PTPRN2: variants seen among roughly 807,000 people sequenced by gnomAD.
PTPRN2 encodes the protein receptor-type tyrosine-protein phosphatase N2.
A neutral mutation model predicts 118.8 loss-of-function variants in PTPRN2; 74 were observed. The ratio of observed to expected loss-of-function variants is 0.62; its 90% CI spans 0.52 to 0.76. The LOEUF is 0.76. Ranked by LOEUF, PTPRN2 falls within the 30% of genes least tolerant of loss-of-function variation. The pLI is 0.00. For missense variants in PTPRN2, 1,481 were observed against 1,394.4 expected (o/e 1.06, Z -0.99); for synonymous variants, 641 against 608.0 (o/e 1.05, Z -0.80).
Position 157,569,070 on chromosome 7 carries a change from C to T in PTPRN2, c.2838-104G>A, listed in dbSNP as rs762163628. On this transcript the variant is annotated intron_variant, in intron 20 of 22. Transcript: ENST00000389418. Reference sequence around the variant, plus strand: ...TTTCCTTCCTGCTTACGGGGGCCGGCGAGAGGAAAGGATGGCGGATGTGAG... The same window carrying T: ...TTTCCTTCCTGCTTACGGGGGCCGGTGAGAGGAAAGGATGGCGGATGTGAG... 19 of 1,125,638 alleles carry T rather than the reference C, an allele frequency of 1.7e-5. 1 individual carries two copies. The highest frequency in any genetic ancestry group is 2.4e-5 in the Non-Finnish European group (18 of 755,136). The allele number at this position is 1,125,638 out of a possible 1,614,324, so 69.7% of individuals were successfully genotyped here. A position where few individuals can be genotyped will look rare whatever the true frequency, so the allele number is the denominator to read the frequency against.
In PTPRN2 at chr7:158,523,230, C is replaced by T. The variant is rs985621530; in HGVS notation, c.113-33445G>A. 1.2e-3 allele frequency among the ~76,000 whole-genome samples: 169 copies of T among 145,302 alleles called. 8 individuals are homozygous for T. The highest frequency in any genetic ancestry group is 2.4e-4 in the South Asian group (1 of 4,082). ...TGGGGAGCCCCAGTGTGACCAGGGGCGGGGGTGGTGGGTGAGCCTCAGCAG... is the reference window on the plus strand; with the variant it reads ...TGGGGAGCCCCAGTGTGACCAGGGGTGGGGGTGGTGGGTGAGCCTCAGCAG... On this transcript the variant is annotated intron_variant, in intron 1 of 22. Transcript: ENST00000389418.
intron 12 of PTPRN2, among the ~76,000 whole-genome samples, chr7:157,772,274 C>CACACAA (rs1430562547): frequency 1.5e-5 from 2 of 133,052 alleles, no homozygotes; most frequent in African/African-American, 2.8e-5. Flanking sequence ...CCCATACAGA[C>CACACAA]ATACACAGAC....
At position 157,671,426 on chromosome 7, in the gene PTPRN2, G is replaced by T. The variant is rs1796405060; in HGVS notation, c.2001+11299C>A. ...GGGATGAATAGGGCCCTGGTGTTCG[G>T]GATGGGACGGGCCACCCCGGGCTGA... On this transcript the variant is annotated intron_variant, in intron 13 of 22. Transcript: ENST00000389418. This position sits in a 1 kb window ranked among gnomAD's most constrained non-coding sequence, Gnocchi z 4.1. 1.3e-5 allele frequency among the ~76,000 whole-genome samples: 2 copies of T among 152,194 alleles called. No homozygotes were observed. The highest frequency in any genetic ancestry group is 4.1e-4 in the South Asian group (2 of 4,828).
chr7:158,363,554 T>C (rs368252105), intron 2 of PTPRN2, among the ~76,000 whole-genome samples: 1 of 152,198 alleles, frequency 6.6e-6, no homozygotes, highest in Non-Finnish European at 1.5e-5. Flanking sequence ...TGGAAGGGCC[T>C]CACCCAGTCT....
At chr7:158,316,769 G>C (rs1282626043) in intron 3 of PTPRN2, 50 bp downstream of exon 3, 1 of 1,383,236 alleles carries the variant, frequency 7.2e-7, no homozygotes, top group Non-Finnish European at 9.8e-7. Context: ...CCAAGCCCGT[G>C]CGGTCGCTCA....
At chr7:158,075,065 G>A (rs569086457) in intron 11 of PTPRN2, among the ~76,000 whole-genome samples, 1 of 152,300 alleles carries the variant, frequency 6.6e-6, no homozygotes, top group South Asian at 2.1e-4. Context: ...GTAAAGCCAT[G>A]ATGAAGGCGG....
intron 12 of PTPRN2, among the ~76,000 whole-genome samples, chr7:157,842,497 C>A (rs765266942): frequency 1.3e-5 from 2 of 150,022 alleles, no homozygotes; most frequent in African/African-American, 2.5e-5. Context: ...TCACCGCAAC[C>A]TCCACCTCCC....
intron 15 of PTPRN2, among the ~76,000 whole-genome samples, chr7:157,607,828 C>T (rs1802094700): frequency 6.6e-6 from 1 of 152,142 alleles, no homozygotes; most frequent in Non-Finnish European, 1.5e-5. Flanking sequence ...ATTCTACGAG[C>T]CCGGCCCTCT....
At chr7:158,356,662 C>T (rs571557988) in intron 2 of PTPRN2, among the ~76,000 whole-genome samples, 3 of 151,980 alleles carry the variant, frequency 2.0e-5, no homozygotes, top group Admixed American at 6.6e-5. Flanking sequence ...CCATGCTGAG[C>T]GCTGTGCGTA....
chr7:158,302,976 G>A (rs1473410962), intron 3 of PTPRN2, among the ~76,000 whole-genome samples: 9 of 152,118 alleles, frequency 5.9e-5, no homozygotes, highest in East Asian at 3.9e-4. Flanking sequence ...ATGCAAAAGC[G>A]TGAAACAAGA....
At chr7:157,939,818 G>A (rs919075306) in intron 11 of PTPRN2, among the ~76,000 whole-genome samples, 50 of 152,184 alleles carry the variant, frequency 3.3e-4, no homozygotes, top group Non-Finnish European at 5.6e-4. Flanking sequence ...CTGGGCACCC[G>A]AGAAGGAGAA....
intron 1 of PTPRN2, among the ~76,000 whole-genome samples, chr7:158,539,095 C>T (rs1233786146): frequency 6.6e-6 from 1 of 152,196 alleles, no homozygotes; most frequent in Non-Finnish European, 1.5e-5. Flanking sequence ...CCGTGTCAGC[C>T]AGCACAGCCT....
intron 2 of PTPRN2, among the ~76,000 whole-genome samples, chr7:158,344,949 C>T (rs1010555488): frequency 6.6e-6 from 1 of 152,188 alleles, no homozygotes; most frequent in Non-Finnish European, 1.5e-5. Flanking sequence ...ATACCCAAAA[C>T]AGAGCTTTAG....
At chr7:158,065,942 C>A (rs568100023) in intron 11 of PTPRN2, among the ~76,000 whole-genome samples, 13 of 152,296 alleles carry the variant, frequency 8.5e-5, no homozygotes, top group African/African-American at 3.1e-4. Context: ...GGTGGATGGG[C>A]AGGAATGCAT....
rs181319362 is a variant in PTPRN2, at chr7:157,741,069, A to G, written c.1789-58132T>C. ...CAAGGGAAGGGGGGAGATGATGCTC[A>G]TGTGATTTGGAGGCCAAAGGTGCTT... is the stretch of plus-strand genomic sequence containing the variant. On this transcript the variant is annotated intron_variant, in intron 12 of 22. Transcript: ENST00000389418. 3.5e-4 allele frequency among the ~76,000 whole-genome samples: 54 copies of G among 152,304 alleles called. 1 individual carries two copies. The East Asian group carries it at 9.3e-3, about 26-fold the overall frequency.
Position 158,587,749 on chromosome 7 carries a change from G to A in PTPRN2, c.-80C>T, listed in dbSNP as rs1829069697. The A allele has an allele frequency of 1.9e-6, 2 of 1,072,612 alleles. No homozygotes were observed. The highest frequency in any genetic ancestry group is 2.3e-6 in the Non-Finnish European group (2 of 888,552). The allele number at this position is 1,072,612 out of a possible 1,614,324, so 66.4% of individuals were successfully genotyped here. A position where few individuals can be genotyped will look rare whatever the true frequency, so the allele number is the denominator to read the frequency against. On this transcript the variant is annotated 5_prime_UTR_variant, in exon 1 of 23. Transcript: ENST00000389418. ...GGCGGCCGAGTCCGGGCCCAGGGAG[G>A]CGCGCGCCGCCGGCTCCTCCCGCCG... is the stretch of plus-strand genomic sequence containing the variant.
At position 158,474,121 on chromosome 7, in the gene PTPRN2, C is replaced by A. The variant is rs557891292; in HGVS notation, c.163+15614G>T. ...TGGGCGGGTGCAGCACTGGCCCAGCCCCCGTGCGGCCCCACTGTGTCCCCT... is the reference window on the plus strand; with the variant it reads ...TGGGCGGGTGCAGCACTGGCCCAGCACCCGTGCGGCCCCACTGTGTCCCCT... On this transcript the variant is annotated intron_variant, in intron 2 of 22. Transcript: ENST00000389418. 3.0e-3 allele frequency among the ~76,000 whole-genome samples: 454 copies of A among 152,294 alleles called. 2 individuals are homozygous for A. Among genetic ancestry groups the A allele is most frequent in the African/African-American group, 0.01 (416 of 41,560 alleles).
At chr7:158,457,175 C>G (rs1376051696) in intron 2 of PTPRN2, among the ~76,000 whole-genome samples, 3 of 152,204 alleles carry the variant, frequency 2.0e-5, no homozygotes, top group Non-Finnish European at 4.4e-5. Context: ...GATGAGCCAC[C>G]AAGAATCCAG....
rs139131379 is a variant in PTPRN2 at position 157,779,016 on chromosome 7, C to T, written c.1789-96079G>A. The stretch of plus-strand genomic sequence containing the variant: ...GGGCCACAGCGCTCAAGCAGAGCTC[C>T]GCTCACAGCCAGGTGGCCGTGTTCT... On this transcript the variant is annotated intron_variant, in intron 12 of 22. Coordinates refer to ENST00000389418, the MANE Select transcript of PTPRN2 (RefSeq NM_002847.5). This position sits in a 1 kb window ranked among gnomAD's most constrained non-coding sequence, Gnocchi z 4.7. Among the ~76,000 whole-genome samples, 308 of 152,348 alleles carry T rather than the reference C, an allele frequency of 2.0e-3. No individual in the cohort carries two copies. The highest frequency in any genetic ancestry group is 7.0e-3 in the African/African-American group (290 of 41,588).
Sources: gnomAD v4.1 joint callset for allele counts (sites outside exome capture counted in the v4.1 genomes callset) on GRCh38, gnomAD v4.1.1 for gene constraint, Gnocchi (gnomAD v3.1) non-coding constraint, MANE v1.5 for transcripts, NCBI Gene and HGNC (gene_info 2026-07-23, HGNC 2026-07-21) for gene names.